ARID1B: variants seen among roughly 807,000 people sequenced by gnomAD.
ARID1B encodes the protein AT-rich interactive domain-containing protein 1B.
In ARID1B, 30 loss-of-function variants were observed where a neutral mutation model predicts 212.3. The ratio of observed to expected loss-of-function variants is 0.14; its 90% CI spans 0.11 to 0.19. The LOEUF is 0.19. ARID1B is among the 10% of genes least tolerant of loss of function. The pLI is 1.00. For missense variants in ARID1B, 2,891 were observed against 3,204.0 expected (o/e 0.90, Z 2.36); for synonymous variants, 1,402 against 1,301.7 (o/e 1.08, Z -1.66).
intron 11 of ARID1B, among the ~76,000 whole-genome samples, chr6:157,178,106 G>A (rs965543399): frequency 2.0e-5 from 3 of 152,198 alleles, no homozygotes; most frequent in African/African-American, 7.2e-5. Flanking sequence ...GCTGGCAGCG[G>A]ACGCAACCTC....
chr6:157,069,875 C>T (rs966222580), intron 4 of ARID1B, among the ~76,000 whole-genome samples: 52 of 152,178 alleles, frequency 3.4e-4, no homozygotes, highest in African/African-American at 1.2e-3. Flanking sequence ...CTACATGAAG[C>T]GGCATTCCAG....
At chr6:156,874,204 A>G (rs1786366682) in intron 2 of ARID1B, among the ~76,000 whole-genome samples, 1 of 152,128 alleles carries the variant, frequency 6.6e-6, no homozygotes, top group Non-Finnish European at 1.5e-5. Context: ...AGCTGGGACA[A>G]TAGATGTGCG....
intron 4 of ARID1B, among the ~76,000 whole-genome samples, chr6:157,075,423 A>G (rs1784240236): frequency 6.6e-6 from 1 of 152,214 alleles, no homozygotes; most frequent in Non-Finnish European, 1.5e-5. Context: ...ATTTTCTACT[A>G]GGATACTTGC....
At chr6:157,162,293 T>C (rs937104648) in intron 8 of ARID1B, among the ~76,000 whole-genome samples, 6 of 152,380 alleles carry the variant, frequency 3.9e-5, no homozygotes, top group Admixed American at 3.3e-4. Context: ...CTAATATTTT[T>C]AACTGCTGAA....
intron 4 of ARID1B, among the ~76,000 whole-genome samples, chr6:157,047,887 G>A (rs995353921): frequency 6.6e-5 from 10 of 152,296 alleles, no homozygotes; most frequent in African/African-American, 2.2e-4. Flanking sequence ...AATTAGAGGC[G>A]TGTTTCAGGA....
intron 1 of ARID1B, among the ~76,000 whole-genome samples, chr6:156,792,173 C>A (rs889221941): frequency 2.1e-4 from 32 of 152,128 alleles, no homozygotes; most frequent in African/African-American, 6.3e-4. Flanking sequence ...TTTCTCTAAA[C>A]CTACATTTCT....
intron 2 of ARID1B, among the ~76,000 whole-genome samples, chr6:156,881,029 G>A (rs1787040308): frequency 6.6e-6 from 1 of 152,202 alleles, no homozygotes; most frequent in African/African-American, 2.4e-5. Flanking sequence ...TGATAGTAGA[G>A]GTTAGAAGGG....
intron 4 of ARID1B, among the ~76,000 whole-genome samples, chr6:156,989,058 C>A (rs1265429381): frequency 6.6e-6 from 1 of 152,198 alleles, no homozygotes. Context: ...TGCCATCCTG[C>A]TCTTACAACA....
intron 4 of ARID1B, among the ~76,000 whole-genome samples, chr6:157,053,289 G>A (rs1486882474): frequency 2.0e-5 from 3 of 151,908 alleles, no homozygotes; most frequent in Non-Finnish European, 4.4e-5. Context: ...GTTTCACCGT[G>A]TTGCCAGGGT....
At chr6:156,792,487 A>C (rs1780080381) in intron 1 of ARID1B, among the ~76,000 whole-genome samples, 1 of 152,254 alleles carries the variant, frequency 6.6e-6, no homozygotes. Context: ...GATTTTTATT[A>C]GACAAAGCTA....
chr6:156,798,300 G>A (rs939399141), intron 1 of ARID1B, among the ~76,000 whole-genome samples: 6 of 152,220 alleles, frequency 3.9e-5, no homozygotes, highest in African/African-American at 4.8e-5. Context: ...GCGGGAGCAC[G>A]CCTGGCTCTT....
At chr6:157,143,465 C>G (rs1351604293) in intron 7 of ARID1B, among the ~76,000 whole-genome samples, 1 of 147,212 alleles carries the variant, frequency 6.8e-6, no homozygotes, top group Non-Finnish European at 1.5e-5. Flanking sequence ...TTTTTCACCC[C>G]ATGCACACAT....
In ARID1B at chr6:156,829,486, A is replaced by C. The variant is rs1276416522; in HGVS notation, c.1986+65A>C. 1.2e-5 allele frequency: 17 copies of C among 1,466,878 alleles called. No individual in the cohort carries two copies. The African/African-American group carries it at 1.8e-4, about 16-fold the overall frequency. 90.9% of individuals were successfully genotyped at this position (1,466,878 alleles called of 1,614,324 possible). ...GTTTTGTCTTTGCCTTTTGCTGTCC[A>C]CCTAAGATTGATGTTAAAGAGAATT... On this transcript the variant is annotated intron_variant, in intron 2 of 19. Transcript: ENST00000636930.
chr6:157,081,344 C>T (rs1470122247), intron 4 of ARID1B, among the ~76,000 whole-genome samples: 1 of 152,180 alleles, frequency 6.6e-6, no homozygotes, highest in Non-Finnish European at 1.5e-5. Flanking sequence ...AGTTACAGAG[C>T]TTCTTTGTTA....
chr6:156,941,036 G>A (rs550083106), intron 4 of ARID1B: 1 of 152,276 alleles, frequency 6.6e-6, no homozygotes, highest in South Asian at 2.1e-4. Flanking sequence ...GTCTTCCGTT[G>A]ATTGATCCTT....
intron 2 of ARID1B, among the ~76,000 whole-genome samples, chr6:156,885,672 C>T (rs1303916571): frequency 6.6e-6 from 1 of 152,136 alleles, no homozygotes. Context: ...TTTGTATGAA[C>T]ATTTACTTTG....
rs567719662 is a variant in ARID1B, at chr6:156,893,045, C to CT, written c.1987-8316dup. On this transcript the variant is annotated intron_variant, in intron 2 of 19. Coordinates refer to ENST00000636930, the MANE Select transcript of ARID1B (RefSeq NM_001374828.1). The stretch of plus-strand genomic sequence containing the variant: ...AACTCTTTTTTTTTCTTTTTTCTTC[C>CT]TTTTTTTTTTTTTTTGAGATGGAGT... Among the ~76,000 whole-genome samples the CT allele has an allele frequency of 4.3e-3, 365 of 85,882 alleles. 6 individuals are homozygous for CT. Among genetic ancestry groups the CT allele is most frequent in the East Asian group, 0.021 (89 of 4,296 alleles). The allele number at this position is 85,882 out of a possible 152,430, so 56.3% of individuals were successfully genotyped here.
At chr6:157,144,146 A>T (rs936691767) in intron 7 of ARID1B, among the ~76,000 whole-genome samples, 1 of 152,196 alleles carries the variant, frequency 6.6e-6, no homozygotes, top group Non-Finnish European at 1.5e-5. Context: ...GAGTAACTTA[A>T]CATCTCAGTA....
intron 5 of ARID1B, among the ~76,000 whole-genome samples, chr6:157,092,238 C>T (rs1286778646): frequency 6.6e-6 from 1 of 152,170 alleles, no homozygotes; most frequent in Non-Finnish European, 1.5e-5. Context: ...GTTAAGAAAG[C>T]AAATTGTATA....
Sources: gnomAD v4.1 joint callset for allele counts (sites outside exome capture counted in the v4.1 genomes callset) on GRCh38, gnomAD v4.1.1 for gene constraint, MANE v1.5 for transcripts, NCBI Gene and HGNC (gene_info 2026-07-23, HGNC 2026-07-21) for gene names.